The following MSRA variants were observed in gnomAD, a reference collection of about 807,000 sequenced individuals.
MSRA encodes the protein mitochondrial peptide methionine sulfoxide reductase.
Under a neutral mutation model 31.3 loss-of-function variants are expected in MSRA, and 54 were observed. The ratio of observed to expected loss-of-function variants is 1.73; its 90% CI spans 1.39 to 2.17. The LOEUF (loss-of-function observed/expected upper bound fraction) is 2.17. MSRA is among the 30% of genes most tolerant of loss of function. The pLI is 0.00. For missense variants in MSRA, 507 were observed against 300.9 expected (o/e 1.69, Z -5.07); for synonymous variants, 169 against 116.5 (o/e 1.45, Z -2.90).
At chr8:10,101,404 C>G (rs921653460) in intron 1 of MSRA, among the ~76,000 whole-genome samples, 20 of 152,156 alleles carry the variant, frequency 1.3e-4, no homozygotes, top group African/African-American at 4.8e-4. Flanking sequence ...ATTTTACCGT[C>G]TTAACCATTT....
chr8:10,175,417 G>C (rs887231484), intron 1 of MSRA, among the ~76,000 whole-genome samples: 41 of 152,220 alleles, frequency 2.7e-4, no homozygotes, highest in African/African-American at 9.9e-4. Context: ...CATTATTTTT[G>C]CTTTCCCCAA....
chr8:10,057,543 G>A (rs1343579507), intron 1 of MSRA, among the ~76,000 whole-genome samples: 1 of 152,212 alleles, frequency 6.6e-6, no homozygotes, highest in Non-Finnish European at 1.5e-5. Context: ...AATATGGTTT[G>A]GTTTTGTGTC....
intron 5 of MSRA, among the ~76,000 whole-genome samples, chr8:10,333,878 C>G (rs1802858053): frequency 1.3e-5 from 2 of 152,140 alleles, no homozygotes; most frequent in Non-Finnish European, 2.9e-5. Context: ...GCACTTCACA[C>G]AAGGCAGGCA....
chr8:10,257,754 A>T (rs999688633), intron 3 of MSRA, among the ~76,000 whole-genome samples: 1 of 152,194 alleles, frequency 6.6e-6, no homozygotes, highest in East Asian at 1.9e-4. Flanking sequence ...CAAGGCTTTG[A>T]TGAGCAGCAG....
chr8:10,302,704 C>T (rs1563328135), intron 4 of MSRA, among the ~76,000 whole-genome samples: 2 of 152,146 alleles, frequency 1.3e-5, no homozygotes, highest in South Asian at 2.1e-4. Flanking sequence ...GGTTCAGGAT[C>T]CACGCAGATC....
At chr8:10,254,870 T>C (rs1161980043) in intron 3 of MSRA, among the ~76,000 whole-genome samples, 1 of 152,260 alleles carries the variant, frequency 6.6e-6, no homozygotes, top group Non-Finnish European at 1.5e-5. Context: ...AAAAATAATC[T>C]AGAGATCTGG....
At position 10,411,028 on chromosome 8, in the gene MSRA, A is replaced by T. The variant is rs1808126351; in HGVS notation, c.544-17120A>T. On this transcript the variant is annotated intron_variant, in intron 5 of 5. Coordinates refer to ENST00000317173, the MANE Select transcript of MSRA (RefSeq NM_012331.5). ...CTTTCCTTCCTCCTTTCAAAAAAAA[A>T]ATCCTGACTGTACTTCATTGCTAAG... is the stretch of plus-strand genomic sequence containing the variant. The T allele has an allele frequency of 2.0e-5, 3 of 151,890 alleles. No individual in the cohort carries two copies. In the South Asian group the frequency reaches 6.3e-4, roughly 32 times the overall value. 9.4% of individuals were successfully genotyped at this position (151,890 alleles called of 1,614,324 possible). A position where few individuals can be genotyped will look rare whatever the true frequency, so the allele number is the denominator to read the frequency against.
chr8:10,125,815 A>G (rs527259229), intron 1 of MSRA, among the ~76,000 whole-genome samples: 14 of 152,380 alleles, frequency 9.2e-5, no homozygotes, highest in African/African-American at 1.7e-4. Flanking sequence ...CAGAAGTTCA[A>G]TCACAGAAAT....
At chr8:10,127,470 T>G (rs1436761908) in intron 1 of MSRA, among the ~76,000 whole-genome samples, 1 of 152,228 alleles carries the variant, frequency 6.6e-6, no homozygotes, top group African/African-American at 2.4e-5. Flanking sequence ...CATCCTTGTT[T>G]GCATAACCTA....
chr8:10,408,393 T>C (rs1002052971), intron 5 of MSRA, among the ~76,000 whole-genome samples: 3 of 152,076 alleles, frequency 2.0e-5, no homozygotes, highest in Admixed American at 2.0e-4. Flanking sequence ...TTTTAAAAAA[T>C]TAGCCAGGCA....
chr8:10,340,316 T>C (rs1434239242), intron 5 of MSRA, among the ~76,000 whole-genome samples: 1 of 151,974 alleles, frequency 6.6e-6, no homozygotes, highest in Non-Finnish European at 1.5e-5. Context: ...AAAAAAAAAA[T>C]GTATATCCGA....
intron 5 of MSRA, among the ~76,000 whole-genome samples, chr8:10,408,976 T>C (rs561216348): frequency 1.3e-5 from 2 of 152,292 alleles, no homozygotes; most frequent in East Asian, 3.9e-4. Context: ...TGTTGAAGGA[T>C]GTTTAGGTTG....
At chr8:10,218,772 G>A (rs927731603) in intron 2 of MSRA, among the ~76,000 whole-genome samples, 1 of 152,212 alleles carries the variant, frequency 6.6e-6, no homozygotes, top group African/African-American at 2.4e-5. Flanking sequence ...GATAGAAACT[G>A]CCTTAATTTG....
intron 3 of MSRA, among the ~76,000 whole-genome samples, chr8:10,298,622 A>G (rs1800671754): frequency 8.8e-6 from 1 of 113,910 alleles, no homozygotes; most frequent in African/African-American, 3.8e-5. Context: ...TTTTATCAAA[A>G]TAGGAAAAAA....
At chr8:10,393,292 G>A (rs533959154) in intron 5 of MSRA, among the ~76,000 whole-genome samples, 1 of 152,240 alleles carries the variant, frequency 6.6e-6, no homozygotes, top group East Asian at 1.9e-4. Context: ...CATTGGCTGG[G>A]CATGTTTTAC....
intron 5 of MSRA, among the ~76,000 whole-genome samples, chr8:10,346,791 A>C (rs1803805955): frequency 6.6e-6 from 1 of 152,206 alleles, no homozygotes; most frequent in Non-Finnish European, 1.5e-5. Context: ...CAGGGAAATT[A>C]ATCAAGTCCT....
intron 2 of MSRA, among the ~76,000 whole-genome samples, chr8:10,243,146 C>T (rs544874571): frequency 8.5e-5 from 13 of 152,188 alleles, no homozygotes; most frequent in Non-Finnish European, 1.6e-4. Context: ...TGGCCTGCCA[C>T]GGACCTTGTA....
At chr8:10,065,128 C>T (rs572459577) in intron 1 of MSRA, among the ~76,000 whole-genome samples, 6 of 152,226 alleles carry the variant, frequency 3.9e-5, no homozygotes, top group African/African-American at 1.4e-4. Flanking sequence ...TTCTGCTGGT[C>T]CCTGGGGTGT....
intron 1 of MSRA, among the ~76,000 whole-genome samples, chr8:10,198,765 A>C (rs1585148655): frequency 6.6e-6 from 1 of 152,214 alleles, no homozygotes; most frequent in Non-Finnish European, 1.5e-5. Context: ...CTGGGACCAC[A>C]GGTGCACACC....
Sources: gnomAD v4.1 joint callset for allele counts (sites outside exome capture counted in the v4.1 genomes callset) on GRCh38, gnomAD v4.1.1 for gene constraint, MANE v1.5 for transcripts, NCBI Gene and HGNC (gene_info 2026-07-23, HGNC 2026-07-21) for gene names.